GALNT13: variants seen among roughly 807,000 people sequenced by gnomAD.
GALNT13 encodes the protein UDP-GalNAc:polypeptide N-acetylgalactosaminyltransferase 13.
A neutral mutation model predicts 64.2 loss-of-function variants in GALNT13; 28 were observed. The ratio of observed to expected loss-of-function variants is 0.44; its 90% CI spans 0.32 to 0.60. The LOEUF is 0.60. Among genes scored for constraint, GALNT13 ranks in the 20% least tolerant of loss-of-function variants. The probability of loss-of-function intolerance (pLI) is 0.05; values close to 1 mark genes in which losing one functional copy is unlikely to be tolerated. For missense variants in GALNT13, 577 were observed against 669.8 expected (o/e 0.86, Z 1.53); for synonymous variants, 214 against 224.6 (o/e 0.95, Z 0.42).
the GALNT13 span, among the ~76,000 whole-genome samples, chr2:153,824,468 G>A: frequency 6.6e-6 from 1 of 152,248 alleles, no homozygotes; most frequent in Non-Finnish European, 1.5e-5. Flanking sequence ...CTTGGACCAA[G>A]GAATCCACAT....
At chr2:153,295,187 G>A in the GALNT13 span, among the ~76,000 whole-genome samples, 1 of 152,106 alleles carries the variant, frequency 6.6e-6, no homozygotes, top group Non-Finnish European at 1.5e-5. Context: ...GGAAGAAGGT[G>A]GTGACAGAGT....
intron 3 of GALNT13, among the ~76,000 whole-genome samples, chr2:153,959,182 G>T (rs986355754): frequency 3.9e-5 from 6 of 152,282 alleles, no homozygotes; most frequent in Admixed American, 3.3e-4. Flanking sequence ...GAGCATATTG[G>T]GGGGTGGCCA....
chr2:153,385,585 C>T, the GALNT13 span, among the ~76,000 whole-genome samples: 719 of 151,626 alleles, frequency 4.7e-3, 3 homozygotes, highest in African/African-American at 0.015. Flanking sequence ...TTAATGGGTA[C>T]GAAATAAGCT....
the GALNT13 span, among the ~76,000 whole-genome samples, chr2:153,193,877 CT>C: frequency 1.1e-4 from 16 of 152,102 alleles, no homozygotes; most frequent in Admixed American, 2.6e-4. Flanking sequence ...TACAGTATTG[CT>C]GCCTGATTTT....
the GALNT13 span, among the ~76,000 whole-genome samples, chr2:153,220,580 T>C: frequency 6.6e-6 from 1 of 152,312 alleles, no homozygotes; most frequent in East Asian, 1.9e-4. Context: ...GGGTGCAAGA[T>C]GCTGGAAGCA....
chr2:153,588,545 C>T, the GALNT13 span, among the ~76,000 whole-genome samples: 3 of 152,214 alleles, frequency 2.0e-5, no homozygotes, highest in African/African-American at 7.2e-5. Context: ...CTTTAAGCCA[C>T]AGCTGGAGTG....
intron 3 of GALNT13, among the ~76,000 whole-genome samples, chr2:154,030,021 C>T (rs1239126207): frequency 1.3e-5 from 2 of 152,038 alleles, no homozygotes; most frequent in South Asian, 2.1e-4. Flanking sequence ...TATTTGCAAT[C>T]TTCTGGGAAG....
At chr2:153,093,714 C>T in the GALNT13 span, among the ~76,000 whole-genome samples, 1 of 152,136 alleles carries the variant, frequency 6.6e-6, no homozygotes, top group Non-Finnish European at 1.5e-5. Flanking sequence ...GAAGTATTCA[C>T]TCCTCCTCTA....
chr2:153,184,521 G>A, the GALNT13 span, among the ~76,000 whole-genome samples: 20 of 152,164 alleles, frequency 1.3e-4, no homozygotes, highest in Admixed American at 3.9e-4. Context: ...AATGGGAGTG[G>A]TGAGAGAGGG....
intron 9 of GALNT13, among the ~76,000 whole-genome samples, chr2:154,367,190 G>C (rs1337034781): frequency 1.3e-5 from 2 of 151,890 alleles, no homozygotes; most frequent in African/African-American, 4.8e-5. Context: ...AAACATAAGT[G>C]ATTCGAACAT....
At chr2:154,089,467 G>T (rs146683639) in intron 3 of GALNT13, among the ~76,000 whole-genome samples, 2 of 151,814 alleles carry the variant, frequency 1.3e-5, no homozygotes, top group African/African-American at 4.9e-5. Flanking sequence ...CCATAGAAGT[G>T]GGGGGTCAGA....
chr2:153,509,108 G>C, the GALNT13 span, among the ~76,000 whole-genome samples: 1 of 152,236 alleles, frequency 6.6e-6, no homozygotes, highest in Admixed American at 6.5e-5. Flanking sequence ...ACCCGTCCAG[G>C]AAGAGAGGAC....
At chr2:153,871,107 A>G (rs1282318056), upstream of GALNT13, among the ~76,000 whole-genome samples, 2 of 150,824 alleles carry the variant, frequency 1.3e-5, no homozygotes, top group African/African-American at 2.5e-5. Flanking sequence ...CTTTACATGT[A>G]TTTAAACTCA....
At chr2:153,794,765 C>A in the GALNT13 span, among the ~76,000 whole-genome samples, 1 of 152,118 alleles carries the variant, frequency 6.6e-6, no homozygotes, top group Admixed American at 6.6e-5. Flanking sequence ...GTGATCCACC[C>A]GCCTTGGCCT....
At chr2:153,341,523 C>T in the GALNT13 span, among the ~76,000 whole-genome samples, 2 of 152,172 alleles carry the variant, frequency 1.3e-5, no homozygotes, top group Admixed American at 1.3e-4. Flanking sequence ...CAATGATTAG[C>T]CTTGCTAGCT....
chr2:154,393,805 G>T (rs1243156577), intron 9 of GALNT13, among the ~76,000 whole-genome samples: 1 of 152,060 alleles, frequency 6.6e-6, no homozygotes, highest in Non-Finnish European at 1.5e-5. Context: ...AAGGCCGGGC[G>T]CGGTGGCTCA....
the GALNT13 span, among the ~76,000 whole-genome samples, chr2:153,243,843 A>G: frequency 6.6e-6 from 1 of 152,154 alleles, no homozygotes; most frequent in African/African-American, 2.4e-5. Flanking sequence ...ATCTGAGCCC[A>G]TGTACCTGAA....
At chr2:153,311,548 T>C in the GALNT13 span, among the ~76,000 whole-genome samples, 1 of 152,088 alleles carries the variant, frequency 6.6e-6, no homozygotes, top group Non-Finnish European at 1.5e-5. Context: ...GTAATAAAAG[T>C]GTTGGCTGAG....
chr2:153,522,823 A>T, the GALNT13 span, among the ~76,000 whole-genome samples: 65 of 152,222 alleles, frequency 4.3e-4, no homozygotes, highest in African/African-American at 1.6e-3. Context: ...TTCTCTTCAT[A>T]GTGTCTTTTG....
Sources: allele counts gnomAD v4.1 joint callset (sites outside exome capture counted in the v4.1 genomes callset), GRCh38; gene constraint gnomAD v4.1.1; transcripts MANE v1.5; gene names NCBI Gene and HGNC (gene_info 2026-07-23, HGNC 2026-07-21).